The following NR3C2 variants were observed in gnomAD, a reference collection of about 807,000 sequenced individuals.
The protein encoded by NR3C2 is mineralocorticoid receptor.
In NR3C2, 15 loss-of-function variants were observed where a neutral mutation model predicts 86.4. That is an observed-to-expected ratio of 0.17 (90% confidence interval 0.12 to 0.27). The LOEUF (loss-of-function observed/expected upper bound fraction) is 0.27. Among genes scored for constraint, NR3C2 ranks in the 10% least tolerant of loss-of-function variants. The pLI, the probability that NR3C2 is intolerant of heterozygous loss-of-function variation, is 1.00. For missense variants in NR3C2, 960 were observed against 1,195.6 expected (o/e 0.80, Z 2.91); for synonymous variants, 458 against 450.5 (o/e 1.02, Z -0.21).
At chr4:148,407,593 C>G (rs976539397) in intron 2 of NR3C2, among the ~76,000 whole-genome samples, 1 of 151,918 alleles carries the variant, frequency 6.6e-6, no homozygotes, top group Non-Finnish European at 1.5e-5. Context: ...TCCAAGTATG[C>G]CAAAAAGCTT....
intron 1 of NR3C2, among the ~76,000 whole-genome samples, chr4:148,437,576 G>A (rs1750140782): frequency 6.6e-6 from 1 of 152,180 alleles, no homozygotes; most frequent in Non-Finnish European, 1.5e-5. Flanking sequence ...ATTCAGGAAT[G>A]ACTGGTGTCT....
intron 4 of NR3C2, among the ~76,000 whole-genome samples, chr4:148,192,360 C>G (rs1459839388): frequency 6.6e-6 from 1 of 152,164 alleles, no homozygotes; most frequent in East Asian, 1.9e-4. Context: ...GGTGGGGATA[C>G]CAGCACTTAT....
chr4:148,205,156 G>A (rs763977341), intron 3 of NR3C2, among the ~76,000 whole-genome samples: 4 of 152,152 alleles, frequency 2.6e-5, no homozygotes, highest in South Asian at 2.1e-4. Flanking sequence ...ACTCTAGACC[G>A]AAATGAAACC....
At chr4:148,181,521 T>C (rs1282414061) in intron 4 of NR3C2, among the ~76,000 whole-genome samples, 5 of 152,206 alleles carry the variant, frequency 3.3e-5, no homozygotes, top group African/African-American at 9.6e-5. Context: ...CTAAATTTAG[T>C]GCTATGCTTT....
At chr4:148,083,068 C>T (rs1305372027) in intron 8 of NR3C2, among the ~76,000 whole-genome samples, 1 of 152,206 alleles carries the variant, frequency 6.6e-6, no homozygotes, top group Non-Finnish European at 1.5e-5. Flanking sequence ...AGAAAGGCAG[C>T]AGCCCCAGTC....
intron 8 of NR3C2, among the ~76,000 whole-genome samples, chr4:148,081,930 G>A (rs886140443): frequency 6.6e-6 from 1 of 152,214 alleles, no homozygotes; most frequent in Non-Finnish European, 1.5e-5. Context: ...AAGCACCACA[G>A]ATGCCCAGGA....
chr4:148,217,351 G>A (rs1409014241), intron 3 of NR3C2, among the ~76,000 whole-genome samples: 1 of 152,136 alleles, frequency 6.6e-6, no homozygotes, highest in Admixed American at 6.5e-5. Context: ...AAAACTCTTA[G>A]GACATGCACA....
At chr4:148,321,404 C>T (rs1407087183) in intron 2 of NR3C2, among the ~76,000 whole-genome samples, 2 of 151,490 alleles carry the variant, frequency 1.3e-5, no homozygotes, top group East Asian at 3.9e-4. Context: ...CCGCTTGGTG[C>T]AGAGCTGAGT....
chr4:148,260,143 T>A, intron 2 of NR3C2, 26 bp from the exon 3 acceptor site: 1 of 1,613,644 alleles, frequency 6.2e-7, no homozygotes, highest in Non-Finnish European at 8.5e-7. Context: ...GAGATTTAAA[T>A]AACTACACCG....
chr4:148,192,664 T>TG (rs900321545), intron 4 of NR3C2, among the ~76,000 whole-genome samples: 6 of 126,620 alleles, frequency 4.7e-5, no homozygotes, highest in Admixed American at 8.3e-5. Context: ...GTGGCTGCTG[T>TG]GGGGGGTGGG....
intron 2 of NR3C2, among the ~76,000 whole-genome samples, chr4:148,367,757 G>C (rs1746219680): frequency 1.3e-5 from 2 of 151,754 alleles, no homozygotes; most frequent in Non-Finnish European, 2.9e-5. Context: ...ACAGTGAAGG[G>C]GGAACTAGAA....
chr4:148,182,136 G>A (rs1735675294), intron 4 of NR3C2, among the ~76,000 whole-genome samples: 1 of 152,216 alleles, frequency 6.6e-6, no homozygotes, highest in African/African-American at 2.4e-5. Context: ...TAAAGAAGAA[G>A]GCGGGTAAAA....
intron 2 of NR3C2, among the ~76,000 whole-genome samples, chr4:148,401,842 G>C (rs1265827490): frequency 6.6e-6 from 1 of 152,122 alleles, no homozygotes; most frequent in East Asian, 1.9e-4. Context: ...AGGAGGATAA[G>C]GCCAAAGGGA....
chr4:148,304,809 A>G (rs763029283), intron 2 of NR3C2, among the ~76,000 whole-genome samples: 4 of 151,654 alleles, frequency 2.6e-5, no homozygotes, highest in African/African-American at 4.8e-5. Context: ...TTCTTGCACT[A>G]TGCAGTGGGG....
At chr4:148,318,730 T>A (rs957503656) in intron 2 of NR3C2, among the ~76,000 whole-genome samples, 12 of 152,222 alleles carry the variant, frequency 7.9e-5, no homozygotes, top group Middle Eastern at 3.4e-3. Context: ...GTTGTTTGTT[T>A]TTTTCTTGTA....
chr4:148,190,583 C>A (rs772941473), intron 4 of NR3C2, among the ~76,000 whole-genome samples: 1 of 152,174 alleles, frequency 6.6e-6, no homozygotes, highest in Non-Finnish European at 1.5e-5. Flanking sequence ...TCCATTGTTT[C>A]TTTGTTGACT....
chr4:148,171,166 C>T (rs538417568), intron 4 of NR3C2, among the ~76,000 whole-genome samples: 15 of 152,356 alleles, frequency 9.8e-5, no homozygotes, highest in South Asian at 6.2e-4. Flanking sequence ...GGTCCCCAAG[C>T]GTCGACTTCC....
At chr4:148,315,734 A>G (rs72655301) in intron 2 of NR3C2, among the ~76,000 whole-genome samples, 478 of 152,322 alleles carry the variant, frequency 3.1e-3, no homozygotes, top group Non-Finnish European at 5.5e-3. Flanking sequence ...TAGCCAAAGA[A>G]TTTTGGAAAT....
intron 4 of NR3C2, among the ~76,000 whole-genome samples, chr4:148,182,362 A>G (rs906719749): frequency 1.3e-5 from 2 of 152,232 alleles, no homozygotes; most frequent in African/African-American, 4.8e-5. Flanking sequence ...AAAAAATTAC[A>G]ATGTACACAA....
Sources: allele counts gnomAD v4.1 joint callset (sites outside exome capture counted in the v4.1 genomes callset), GRCh38; gene constraint gnomAD v4.1.1; transcripts MANE v1.5; gene names NCBI Gene and HGNC (gene_info 2026-07-23, HGNC 2026-07-21).